SLC35F4: variants seen among roughly 807,000 people sequenced by gnomAD.
SLC35F4 encodes chromosome 14 open reading frame 36.
A neutral mutation model predicts 44.2 loss-of-function variants in SLC35F4; 24 were observed. The observed-to-expected ratio is 0.54, with a 90% CI of 0.39 to 0.76. The LOEUF (loss-of-function observed/expected upper bound fraction) is 0.76. Among genes scored for constraint, SLC35F4 ranks in the 30% least tolerant of loss-of-function variants. The pLI is 0.00. For synonymous variants in SLC35F4, 238 were observed against 223.6 expected (o/e 1.06, Z -0.57); for missense variants, 562 against 586.1 (o/e 0.96, Z 0.42).
At chr14:57,566,699 G>A in intron 6 of SLC35F4, 135 bp from the exon 7 acceptor site, 1 of 798,288 alleles carries the variant, frequency 1.3e-6, no homozygotes, top group Non-Finnish European at 2.0e-6. Flanking sequence ...TCTAATTTTG[G>A]AGATGGATGC....
intron 4 of SLC35F4, among the ~76,000 whole-genome samples, chr14:57,578,141 T>C (rs932665849): frequency 4.0e-5 from 6 of 150,994 alleles, no homozygotes; most frequent in African/African-American, 1.5e-4. Context: ...GTGTTCTTTT[T>C]ACATTAAAAA....
At chr14:57,673,998 TATC>T (rs1437392834) in intron 1 of SLC35F4, among the ~76,000 whole-genome samples, 1 of 152,072 alleles carries the variant, frequency 6.6e-6, no homozygotes, top group African/African-American at 2.4e-5. Flanking sequence ...AATGACCAGT[TATC>T]ATACAAATAT....
chr14:57,947,599 TG>T (rs780331320), intron 1 of SLC35F4, among the ~76,000 whole-genome samples: 2 of 152,196 alleles, frequency 1.3e-5, no homozygotes, highest in Non-Finnish European at 2.9e-5. Context: ...ATCTTTGACT[TG>T]TTCCAGTTCT....
downstream of SLC35F4, among the ~76,000 whole-genome samples, chr14:57,975,261 G>T (rs1453786059): frequency 6.6e-6 from 1 of 152,146 alleles, no homozygotes; most frequent in East Asian, 1.9e-4. Context: ...CACTGGCAAA[G>T]CCATCAATTG....
At chr14:57,954,521 C>T (rs577683091) in intron 1 of SLC35F4, among the ~76,000 whole-genome samples, 7 of 151,784 alleles carry the variant, frequency 4.6e-5, no homozygotes, top group African/African-American at 7.3e-5. Flanking sequence ...ATAGATAGAC[C>T]GCCAGCCAGA....
intron 1 of SLC35F4, among the ~76,000 whole-genome samples, chr14:57,693,425 AC>A (rs139232898): frequency 0.059 from 8,947 of 152,262 alleles, 401 homozygotes; most frequent in Non-Finnish European, 0.089. Flanking sequence ...GAGGGCAGGA[AC>A]ACCTGGCCCA....
At chr14:57,693,354 A>C (rs1046685552) in intron 1 of SLC35F4, among the ~76,000 whole-genome samples, 3 of 152,210 alleles carry the variant, frequency 2.0e-5, no homozygotes, top group Non-Finnish European at 2.9e-5. Flanking sequence ...TCTCTACAGC[A>C]CTGTGACATG....
chr14:57,610,921 A>G (rs1297857733), intron 1 of SLC35F4, among the ~76,000 whole-genome samples: 1 of 152,264 alleles, frequency 6.6e-6, no homozygotes, highest in Non-Finnish European at 1.5e-5. Flanking sequence ...TGGATAGAGC[A>G]TGTGTAAGCA....
At chr14:57,862,065 C>T (rs1338039134) in intron 1 of SLC35F4, among the ~76,000 whole-genome samples, 2 of 152,122 alleles carry the variant, frequency 1.3e-5, no homozygotes, top group African/African-American at 4.8e-5. Flanking sequence ...TATCCCCTGA[C>T]AATCCACCCC....
chr14:57,621,493 G>C (rs1008707437), intron 1 of SLC35F4, among the ~76,000 whole-genome samples: 64 of 152,010 alleles, frequency 4.2e-4, no homozygotes, highest in Admixed American at 6.6e-4. Context: ...GAACAGAACA[G>C]AGCCCTCAGA....
intron 1 of SLC35F4, among the ~76,000 whole-genome samples, chr14:57,722,141 G>T (rs938902483): frequency 6.6e-6 from 1 of 152,154 alleles, no homozygotes; most frequent in Non-Finnish European, 1.5e-5. Context: ...GTGGAATAAT[G>T]GTGGAAGGAA....
chr14:57,867,926 C>G (rs1888217983), upstream of SLC35F4, among the ~76,000 whole-genome samples: 1 of 152,092 alleles, frequency 6.6e-6, no homozygotes, highest in African/African-American at 2.4e-5. Context: ...CATATGCAGA[C>G]TTAAAAACAA....
intron 1 of SLC35F4, among the ~76,000 whole-genome samples, chr14:57,800,453 T>C (rs1040821406): frequency 6.6e-6 from 1 of 152,086 alleles, no homozygotes; most frequent in African/African-American, 2.4e-5. Context: ...CCAGAGTGCC[T>C]CTTCTCCTCC....
intron 1 of SLC35F4, among the ~76,000 whole-genome samples, chr14:57,619,892 G>C (rs2072078925): frequency 6.6e-6 from 1 of 151,956 alleles, no homozygotes; most frequent in African/African-American, 2.4e-5. Context: ...ATTTCGTGAA[G>C]CATATAAAGT....
chr14:57,584,810 ACTT>A (rs1374249780), intron 3 of SLC35F4, among the ~76,000 whole-genome samples: 1 of 152,178 alleles, frequency 6.6e-6, no homozygotes. Context: ...TTCTTGAGAT[ACTT>A]CTTTTTATAT....
chr14:57,732,209 G>A (rs1232956404), intron 1 of SLC35F4, among the ~76,000 whole-genome samples: 1 of 152,076 alleles, frequency 6.6e-6, no homozygotes, highest in Non-Finnish European at 1.5e-5. Flanking sequence ...TGAACAAAAT[G>A]GTTAAATGGA....
chr14:57,576,455 A>T (rs999648458), intron 4 of SLC35F4, among the ~76,000 whole-genome samples: 1 of 152,192 alleles, frequency 6.6e-6, no homozygotes, highest in Non-Finnish European at 1.5e-5. Flanking sequence ...ACACATTAAT[A>T]GTTTGACGAA....
At chr14:57,893,480 A>T (rs186110759) in intron 1 of SLC35F4, among the ~76,000 whole-genome samples, 56 of 152,258 alleles carry the variant, frequency 3.7e-4, no homozygotes, top group African/African-American at 1.3e-3. Flanking sequence ...GCAGGATTCA[A>T]ATCCAGTTCT....
At chr14:57,897,268 T>G (rs1888893447) in intron 1 of SLC35F4, among the ~76,000 whole-genome samples, 1 of 152,034 alleles carries the variant, frequency 6.6e-6, no homozygotes, top group African/African-American at 2.4e-5. Flanking sequence ...TAAAGCTCCT[T>G]AGCATTGTGT....
Sources: allele counts gnomAD v4.1 joint callset (sites outside exome capture counted in the v4.1 genomes callset), GRCh38; gene constraint gnomAD v4.1.1; transcripts MANE v1.5; gene names NCBI Gene and HGNC (gene_info 2026-07-23, HGNC 2026-07-21).